BMAL1: variants seen among roughly 807,000 people sequenced by gnomAD.
The protein encoded by BMAL1 is basic helix-loop-helix ARNT like 1.
the BMAL1 span, chr11:13,381,162 A>G: frequency 6.2e-7 from 1 of 1,614,140 alleles, no homozygotes; most frequent in Non-Finnish European, 8.5e-7. Context: ...TTCTGACAGG[A>G]TAAGAGGGTC....
At chr11:13,354,466 T>C in the BMAL1 span, 1 of 1,609,494 alleles carries the variant, frequency 6.2e-7, no homozygotes, top group Non-Finnish European at 8.5e-7. Context: ...CTTTGGGGCA[T>C]GTCTTCCTCT....
the BMAL1 span, among the ~76,000 whole-genome samples, chr11:13,366,055 G>A: frequency 1.3e-5 from 2 of 152,086 alleles, no homozygotes. Flanking sequence ...ATTTATAAAC[G>A]CTTCTAGAAC....
chr11:13,288,625 G>T, the BMAL1 span, among the ~76,000 whole-genome samples: 1 of 151,670 alleles, frequency 6.6e-6, no homozygotes, highest in South Asian at 2.1e-4. Context: ...TTATGATTAT[G>T]ATTTTAGTGA....
At chr11:13,384,337 A>G in the BMAL1 span, among the ~76,000 whole-genome samples, 278 of 152,328 alleles carry the variant, frequency 1.8e-3, no homozygotes, top group African/African-American at 6.2e-3. Flanking sequence ...AAATGTGTCA[A>G]TATATAGAAG....
At chr11:13,381,170 G>A in the BMAL1 span, 1 of 1,614,116 alleles carries the variant, frequency 6.2e-7, no homozygotes, top group East Asian at 2.2e-5. Flanking sequence ...GGATAAGAGG[G>A]TCATCGCCTT....
At chr11:13,365,670 T>C in the BMAL1 span, 1 of 1,199,254 alleles carries the variant, frequency 8.3e-7, no homozygotes. Flanking sequence ...AGAATAATTA[T>C]AGTATACAAG....
chr11:13,386,866 C>CT, the BMAL1 span: 10 of 1,315,014 alleles, frequency 7.6e-6, no homozygotes, highest in South Asian at 1.6e-4. Context: ...TATGTACTGA[C>CT]TTCATAAAAG....
At chr11:13,284,180 G>GTATATATATATA in the BMAL1 span, among the ~76,000 whole-genome samples, 1 of 21,140 alleles carries the variant, frequency 4.7e-5, no homozygotes, top group African/African-American at 1.5e-4. Flanking sequence ...ATATATATGT[G>GTATATATATATA]TATATATATA....
the BMAL1 span, among the ~76,000 whole-genome samples, chr11:13,284,266 A>ATTT: frequency 9.4e-4 from 42 of 44,870 alleles, 1 homozygote; most frequent in East Asian, 3.0e-3. Flanking sequence ...ATATATATAT[A>ATTT]TTTTTTTTTT....
the BMAL1 span, among the ~76,000 whole-genome samples, chr11:13,384,418 A>G: frequency 1.3e-5 from 2 of 152,248 alleles, no homozygotes; most frequent in Non-Finnish European, 2.9e-5. Context: ...ATGTAAGGGT[A>G]AAAGATCCAT....
the BMAL1 span, chr11:13,376,886 G>C: frequency 1.7e-5 from 11 of 631,646 alleles, no homozygotes; most frequent in Non-Finnish European, 2.7e-5. Context: ...GAATGCAGAG[G>C]ACACTGTCAT....
the BMAL1 span, among the ~76,000 whole-genome samples, chr11:13,352,891 AG>A: frequency 6.6e-5 from 10 of 152,232 alleles, no homozygotes; most frequent in Admixed American, 2.0e-4. Flanking sequence ...CCCTGGCTGT[AG>A]GCAGGCACCC....
At chr11:13,316,085 G>C in the BMAL1 span, among the ~76,000 whole-genome samples, 13,687 of 152,224 alleles carry the variant, frequency 0.09, 818 homozygotes, top group East Asian at 0.21. Flanking sequence ...AAGGAAAGGG[G>C]CCCCCTTTGT....
chr11:13,320,590 GAATT>G, the BMAL1 span, among the ~76,000 whole-genome samples: 3 of 152,162 alleles, frequency 2.0e-5, no homozygotes, highest in Non-Finnish European at 4.4e-5. Flanking sequence ...AAGGATATAC[GAATT>G]AATATTTGTC....
At chr11:13,381,013 C>G in the BMAL1 span, 1 of 662,194 alleles carries the variant, frequency 1.5e-6, no homozygotes, top group South Asian at 1.9e-5. Flanking sequence ...CACCATATGG[C>G]CTAGAGAGCC....
the BMAL1 span, among the ~76,000 whole-genome samples, chr11:13,288,418 T>C: frequency 0.025 from 362 of 14,218 alleles, 2 homozygotes; most frequent in Non-Finnish European, 0.037. Context: ...TTCTTTCTTT[T>C]TTTTTCTTTT....
chr11:13,284,256 ATATATATATAT>A, the BMAL1 span, among the ~76,000 whole-genome samples: 122 of 25,020 alleles, frequency 4.9e-3, 13 homozygotes, highest in African/African-American at 0.02. Context: ...ATATATATAT[ATATATATATAT>A]TTTTTTTTTT....
chr11:13,294,777 T>G, the BMAL1 span, among the ~76,000 whole-genome samples: 1 of 152,236 alleles, frequency 6.6e-6, no homozygotes, highest in Non-Finnish European at 1.5e-5. Context: ...CATATGTACC[T>G]CAGGGTCCCC....
At chr11:13,305,006 A>G in the BMAL1 span, among the ~76,000 whole-genome samples, 1 of 152,304 alleles carries the variant, frequency 6.6e-6, no homozygotes, top group South Asian at 2.1e-4. Context: ...ACATCTAGGT[A>G]TCAGTTTAAG....
Sources: gnomAD v4.1 joint callset for allele counts (sites outside exome capture counted in the v4.1 genomes callset) on GRCh38, gnomAD v4.1.1 for gene constraint, MANE v1.5 for transcripts, NCBI Gene and HGNC (gene_info 2026-07-23, HGNC 2026-07-21) for gene names.